CAMTA1: variants seen among roughly 807,000 people sequenced by gnomAD.
CAMTA1 encodes the protein calmodulin binding transcription activator 1.
A neutral mutation model predicts 170.9 loss-of-function variants in CAMTA1; 27 were observed. The ratio of observed to expected loss-of-function variants is 0.16; its 90% CI spans 0.12 to 0.22. The LOEUF (loss-of-function observed/expected upper bound fraction) is 0.22, where lower values mean the gene tolerates loss of function less well. CAMTA1 is among the 10% of genes least tolerant of loss of function. The pLI is 1.00. For missense variants in CAMTA1, 1,619 were observed against 2,217.2 expected (o/e 0.73, Z 5.42); for synonymous variants, 833 against 891.5 (o/e 0.93, Z 1.17).
rs2094973103 is a variant in CAMTA1, at chr1:7,562,593, C to T, written c.511-77807C>T. Among the ~76,000 whole-genome samples, 1 of 152,220 alleles carries T rather than the reference C, an allele frequency of 6.6e-6. No individual in the cohort carries two copies. The highest frequency in any genetic ancestry group is 1.5e-5 in the Non-Finnish European group (1 of 68,046). On this transcript the variant is annotated intron_variant, in intron 6 of 22. Transcript: ENST00000303635. This position sits in a 1 kb window ranked among gnomAD's most constrained non-coding sequence, Gnocchi z 4.8. ...CCGCTGTCACGCTGCCTGCATGTCCCAGAAATGTTATCTCCTCTTTTTCGG... is the reference window on the plus strand; with the variant it reads ...CCGCTGTCACGCTGCCTGCATGTCCTAGAAATGTTATCTCCTCTTTTTCGG...
chr1:7,006,602 G>A (rs569720412), intron 3 of CAMTA1, among the ~76,000 whole-genome samples: 2 of 152,292 alleles, frequency 1.3e-5, no homozygotes, highest in Admixed American at 1.3e-4. Context: ...GAACCCAGTT[G>A]AGGTGGGCTG....
chr1:7,721,724 AT>A (rs1268887241), intron 11 of CAMTA1, among the ~76,000 whole-genome samples: 1 of 151,984 alleles, frequency 6.6e-6, no homozygotes, highest in Non-Finnish European at 1.5e-5. Flanking sequence ...ATTTTACCTT[AT>A]TTTTATTTAT....
At chr1:7,598,388 A>G (rs921093803) in intron 6 of CAMTA1, among the ~76,000 whole-genome samples, 3 of 152,260 alleles carry the variant, frequency 2.0e-5, no homozygotes, top group African/African-American at 4.8e-5. Flanking sequence ...TAGTGCCACA[A>G]TAAACATATG....
intron 6 of CAMTA1, among the ~76,000 whole-genome samples, chr1:7,480,650 C>A (rs1325844921): frequency 6.6e-6 from 1 of 152,076 alleles, no homozygotes; most frequent in Admixed American, 6.6e-5. Context: ...TCCCTGCTGC[C>A]GAGACTTCCC....
chr1:6,932,953 C>T (rs1684659969), intron 3 of CAMTA1, among the ~76,000 whole-genome samples: 1 of 151,964 alleles, frequency 6.6e-6, no homozygotes, highest in Admixed American at 6.6e-5. Flanking sequence ...TTTTCATCCT[C>T]TTAACAGTAT....
intron 11 of CAMTA1, among the ~76,000 whole-genome samples, chr1:7,710,647 C>G (rs1490393870): frequency 6.7e-6 from 1 of 149,624 alleles, no homozygotes; most frequent in Non-Finnish European, 1.5e-5. Context: ...TTAGGAAGTC[C>G]AGAATTAGTG....
In CAMTA1 at chr1:7,751,356, C is replaced by T. The variant is rs1218134907; in HGVS notation, c.4847C>T (p.Ala1616Val). 6.2e-7 allele frequency: 1 copy of T among 1,608,872 alleles called. No individual in the cohort carries two copies. Among genetic ancestry groups the T allele is most frequent in the East Asian group, 2.2e-5 (1 of 44,776 alleles). Residue 1616 changes from alanine to valine, a missense_variant, in exon 20 of 23, where the codon GCT becomes GTT. Coordinates refer to ENST00000303635, the MANE Select transcript of CAMTA1 (RefSeq NM_015215.4). The stretch of plus-strand genomic sequence containing the variant: ...AAGAAATGTGGCAAAAGACGGCAGG[C>T]TCGCCGGACGGCTGTGATTGTACAA... ...SYKKCGKRRQ[A>V]RRTAVIVQQK...
In CAMTA1 at chr1:7,007,710, C is replaced by T. The variant is rs112753416; in HGVS notation, c.235-83594C>T. Among the ~76,000 whole-genome samples, 1,879 of 152,240 alleles carry T rather than the reference C, an allele frequency of 0.012. 19 individuals carry two copies. Among genetic ancestry groups the T allele is most frequent in the East Asian group, 0.035 (183 of 5,170 alleles). On this transcript the variant is annotated intron_variant, in intron 3 of 22. Coordinates refer to ENST00000303635, the MANE Select transcript of CAMTA1 (RefSeq NM_015215.4). This position sits in a 1 kb window ranked among gnomAD's most constrained non-coding sequence, Gnocchi z 4.5. ...CTGAAAGGACCCCCTGTGGGGCTCC[C>T]GGGGCGTCGCTTCTGCCTCTTCCAG...
At chr1:7,238,335 G>A (rs984717037) in intron 4 of CAMTA1, among the ~76,000 whole-genome samples, 3 of 152,060 alleles carry the variant, frequency 2.0e-5, no homozygotes, top group African/African-American at 7.2e-5. Flanking sequence ...TGACTCTCAC[G>A]CTTACTAGTC....
At chr1:7,705,580 T>C (rs2096511206) in intron 11 of CAMTA1, among the ~76,000 whole-genome samples, 2 of 151,390 alleles carry the variant, frequency 1.3e-5, no homozygotes, top group African/African-American at 4.8e-5. Flanking sequence ...GGCGAGTGTG[T>C]TGGGGCGCTC....
intron 7 of CAMTA1, among the ~76,000 whole-genome samples, chr1:7,644,262 G>T (rs1232147602): frequency 6.6e-6 from 1 of 152,068 alleles, no homozygotes; most frequent in Non-Finnish European, 1.5e-5. Flanking sequence ...TGGTCAGAAG[G>T]GGGCTTCCCT....
intron 4 of CAMTA1, among the ~76,000 whole-genome samples, chr1:7,104,129 A>C (rs1367984111): frequency 2.3e-4 from 4 of 17,718 alleles, no homozygotes; most frequent in Non-Finnish European, 7.1e-4. Flanking sequence ...CAACACACAT[A>C]ACTACACACG....
chr1:6,948,821 A>G (rs968323682), intron 3 of CAMTA1, among the ~76,000 whole-genome samples: 5 of 152,134 alleles, frequency 3.3e-5, no homozygotes, highest in African/African-American at 1.2e-4. Context: ...CCCAAATTCT[A>G]CCTGCTTTCC....
At chr1:6,883,553 G>A (rs374305417) in intron 3 of CAMTA1, among the ~76,000 whole-genome samples, 2 of 152,112 alleles carry the variant, frequency 1.3e-5, no homozygotes, top group African/African-American at 4.8e-5. Context: ...CAGAAGAATC[G>A]ATGTGAGGAT....
chr1:7,644,717 C>T (rs759690789), intron 7 of CAMTA1, among the ~76,000 whole-genome samples: 1 of 152,230 alleles, frequency 6.6e-6, no homozygotes, highest in Non-Finnish European at 1.5e-5. Context: ...CATTTCATCT[C>T]TGGTGTCGTT....
At chr1:7,584,034 C>T (rs544029670) in intron 6 of CAMTA1, among the ~76,000 whole-genome samples, 71 of 152,208 alleles carry the variant, frequency 4.7e-4, no homozygotes, top group African/African-American at 1.6e-3. Flanking sequence ...GGGGGTGTCA[C>T]GGACATTCTG....
At chr1:7,039,296 C>T (rs1186654154) in intron 3 of CAMTA1, among the ~76,000 whole-genome samples, 1 of 152,084 alleles carries the variant, frequency 6.6e-6, no homozygotes, top group African/African-American at 2.4e-5. Context: ...ATCATCAAAC[C>T]TAGTTATACA....
chr1:7,111,476 G>A (rs577338048), intron 4 of CAMTA1, among the ~76,000 whole-genome samples: 3 of 152,206 alleles, frequency 2.0e-5, no homozygotes, highest in Non-Finnish European at 4.4e-5. Flanking sequence ...GGGCTCTGGG[G>A]ACAGACAGGC....
intron 5 of CAMTA1, among the ~76,000 whole-genome samples, chr1:7,254,072 T>G (rs1667007804): frequency 6.6e-6 from 1 of 151,828 alleles, no homozygotes; most frequent in Non-Finnish European, 1.5e-5. Flanking sequence ...CTGAAGGAAG[T>G]GACATGAGCA....
Sources: allele counts gnomAD v4.1 joint callset (sites outside exome capture counted in the v4.1 genomes callset), GRCh38; gene constraint gnomAD v4.1.1; non-coding constraint Gnocchi (gnomAD v3.1); transcripts MANE v1.5; gene names NCBI Gene and HGNC (gene_info 2026-07-23, HGNC 2026-07-21).